SATB2: variants seen among roughly 807,000 people sequenced by gnomAD.
SATB2 encodes SATB homeobox 2, also known as DNA-binding protein SATB2.
In SATB2, 1 loss-of-function variant was observed where a neutral mutation model predicts 73.4. The ratio of observed to expected loss-of-function variants is 0.01; its 90% CI spans 0.00 to 0.06. The LOEUF is 0.06. SATB2 is among the 10% of genes least tolerant of loss of function. SATB2 has a pLI of 1.00. For missense variants in SATB2, 459 were observed against 945.8 expected (o/e 0.49, Z 6.75); for synonymous variants, 397 against 367.0 (o/e 1.08, Z -0.93).
upstream of SATB2, among the ~76,000 whole-genome samples, chr2:199,467,133 ACCTCAAGTCAGGTCTCCCGGC>A (rs1456998826): frequency 1.3e-5 from 2 of 152,332 alleles, no homozygotes; most frequent in East Asian, 3.9e-4. Flanking sequence ...CTCCCAAGAG[ACCTCAAGTCAGGTCTCCCGGC>A]CAGACTCAGG....
rs985169649 is a variant in SATB2, at chr2:199,308,623, G to A, written c.1740+137C>T. The A allele has an allele frequency of 5.7e-5, 41 of 716,996 alleles. No homozygotes were observed. Among genetic ancestry groups the A allele is most frequent in the Admixed American group, 4.1e-4 (20 of 48,376 alleles). 44.4% of individuals were successfully genotyped at this position (716,996 alleles called of 1,614,324 possible). A position where few individuals can be genotyped will look rare whatever the true frequency, so the allele number is the denominator to read the frequency against. On this transcript the variant is annotated intron_variant, in intron 10 of 10. Transcript: ENST00000417098. The surrounding 1 kb of genome is among the most constrained non-coding windows in gnomAD (Gnocchi z 4.6). Reference sequence around the variant, plus strand: ...ACACAGTACCCACTGTGACGACAGCGTCTTCTGTACTTGGGGACCTGGCAT... The same window carrying A: ...ACACAGTACCCACTGTGACGACAGCATCTTCTGTACTTGGGGACCTGGCAT...
intron 3 of SATB2, among the ~76,000 whole-genome samples, chr2:199,405,510 T>C (rs1354001195): frequency 6.6e-6 from 1 of 151,956 alleles, no homozygotes; most frequent in Non-Finnish European, 1.5e-5. Flanking sequence ...AAGACTAGGG[T>C]GTGTGCCCTG....
In SATB2 at chr2:199,349,164, A is replaced by T; in HGVS notation, c.710T>A (p.Val237Glu). ...KKYKKIKVER[V>E]ERENLSDYCV... The stretch of plus-strand genomic sequence containing the variant: ...ATAGTCTGAAAGGTTTTCTCGTTCC[A>T]CTCTTTCCACTGTTAAGAGATAAAA... The change falls in exon 7 of 11, where the codon GTG becomes GAG. Residue 237 changes from valine (V) to glutamate (E), a missense_variant. By Grantham distance (121) the Val-to-Glu change is moderately radical. Around this residue, in one of 13 missense-constraint regions of SATB2, gnomAD observed 77 missense variants for 90.4 expected, o/e 0.85. Transcript: ENST00000417098. 1 of 1,610,588 alleles carries T rather than the reference A, an allele frequency of 6.2e-7. No individual in the cohort carries two copies. Among genetic ancestry groups the T allele is most frequent in the Non-Finnish European group, 8.5e-7 (1 of 1,177,356 alleles).
chr2:199,383,475 T>TA (rs1689837663), intron 3 of SATB2, among the ~76,000 whole-genome samples: 2 of 152,210 alleles, frequency 1.3e-5, no homozygotes, highest in African/African-American at 2.4e-5. Context: ...ATTTCCTTTT[T>TA]AAAAAATCAT....
At chr2:199,345,991 A>ATT (rs1688639812) in intron 7 of SATB2, among the ~76,000 whole-genome samples, 1 of 151,996 alleles carries the variant, frequency 6.6e-6, no homozygotes, top group Admixed American at 6.6e-5. Flanking sequence ...ATTGATAATA[A>ATT]CTCTTTACAA....
upstream of SATB2, among the ~76,000 whole-genome samples, chr2:199,460,301 A>C (rs1220718676): frequency 6.6e-6 from 1 of 152,178 alleles, no homozygotes; most frequent in Non-Finnish European, 1.5e-5. This position sits in a 1 kb window ranked among gnomAD's most constrained non-coding sequence, Gnocchi z 4.0. Context: ...TGAGCAACAA[A>C]CTTTTTCTTC....
chr2:199,286,393 G>T (rs2105734588), intron 10 of SATB2, among the ~76,000 whole-genome samples: 2 of 152,208 alleles, frequency 1.3e-5, no homozygotes, highest in Middle Eastern at 3.4e-3. Context: ...AGATTTATTT[G>T]ATCATCTAGG....
chr2:199,305,388 A>C (rs1208530409), intron 10 of SATB2, among the ~76,000 whole-genome samples: 1 of 152,146 alleles, frequency 6.6e-6, no homozygotes, highest in Non-Finnish European at 1.5e-5. Context: ...CGAAAAAATA[A>C]CTAATGGGTA....
At chr2:199,332,662 T>G (rs1310972185) in intron 7 of SATB2, among the ~76,000 whole-genome samples, 1 of 152,168 alleles carries the variant, frequency 6.6e-6, no homozygotes, top group Non-Finnish European at 1.5e-5. Flanking sequence ...ACAAATTAAA[T>G]GACCTTACAG....
intron 5 of SATB2, among the ~76,000 whole-genome samples, chr2:199,379,989 TCCTCCCAGCTCAG>T (rs1189328872): frequency 3.9e-5 from 6 of 151,918 alleles, no homozygotes; most frequent in Non-Finnish European, 1.5e-5. Flanking sequence ...TCTGAAGCAA[TCCTCCCAGCTCAG>T]CCTCCTGAGT....
chr2:199,282,097 G>T lies in SATB2; in HGVS notation c.1741-9425C>A, dbSNP rs13403193. The stretch of plus-strand genomic sequence containing the variant: ...AGTGTTTCACCATGTTAGCCAGGAT[G>T]GTCTCGATCTCCTGACCTCGTGATC... On this transcript the variant is annotated intron_variant, in intron 10 of 10. Transcript: ENST00000417098. 3.3e-3 allele frequency among the ~76,000 whole-genome samples: 507 copies of T among 152,114 alleles called. 3 individuals are homozygous for T. Among genetic ancestry groups the T allele is most frequent in the African/African-American group, 0.012 (480 of 41,506 alleles).
upstream of SATB2, chr2:199,469,967 C>T (rs1692672918): frequency 6.6e-6 from 1 of 152,386 alleles, no homozygotes; most frequent in South Asian, 2.1e-4. Flanking sequence ...GAAAGTTTTT[C>T]TCTGTAACAG....
chr2:199,378,750 T>C (rs1206911328), intron 5 of SATB2, among the ~76,000 whole-genome samples: 1 of 152,246 alleles, frequency 6.6e-6, no homozygotes, highest in Non-Finnish European at 1.5e-5. Flanking sequence ...CATCATTGCA[T>C]GCCAGGCATT....
chr2:199,292,285 T>A (rs983875227), intron 10 of SATB2, among the ~76,000 whole-genome samples: 2 of 152,248 alleles, frequency 1.3e-5, no homozygotes, highest in Non-Finnish European at 2.9e-5. Context: ...TATTGATGGC[T>A]TTCATATCAG....
chr2:199,284,635 T>C (rs1181319272), intron 10 of SATB2, among the ~76,000 whole-genome samples: 1 of 152,168 alleles, frequency 6.6e-6, no homozygotes, highest in South Asian at 2.1e-4. Flanking sequence ...CAAAAGTATA[T>C]AAAACATTGG....
intron 10 of SATB2, among the ~76,000 whole-genome samples, chr2:199,297,752 T>C (rs1053931919): frequency 6.6e-6 from 1 of 151,832 alleles, no homozygotes; most frequent in Non-Finnish European, 1.5e-5. Context: ...AGCAGAAGTC[T>C]CAGAGATGAT....
At chr2:199,296,708 TAACA>T (rs1259108720) in intron 10 of SATB2, among the ~76,000 whole-genome samples, 1 of 103,080 alleles carries the variant, frequency 9.7e-6, no homozygotes, top group Non-Finnish European at 2.2e-5. Flanking sequence ...TCAAACAAAC[TAACA>T]AACAAAAGAA....
At chr2:199,328,612 C>A (rs2105795093) in intron 8 of SATB2, 86 bp downstream of exon 8, 1 of 969,076 alleles carries the variant, frequency 1.0e-6, no homozygotes, top group African/African-American at 1.6e-5. Flanking sequence ...TTATGTCTCT[C>A]AATGTTTGAG....
intron 3 of SATB2, chr2:199,395,857 T>C (rs988107228): frequency 2.0e-5 from 3 of 152,228 alleles, no homozygotes; most frequent in Non-Finnish European, 4.4e-5. Context: ...AAATATTTTA[T>C]TCATCCATAA....
Sources: gnomAD v4.1 joint callset for allele counts (sites outside exome capture counted in the v4.1 genomes callset) on GRCh38, gnomAD v4.1.1 for gene constraint, gnomAD v4.1.1 regional missense constraint, Gnocchi (gnomAD v3.1) non-coding constraint, MANE v1.5 for transcripts, NCBI Gene and HGNC (gene_info 2026-07-23, HGNC 2026-07-21) for gene names.